Variants in MOXD1 observed in about 807,000 individuals in gnomAD.
The protein encoded by MOXD1 is monooxygenase DBH like 1, also known as DBH-like monooxygenase protein 1.
Under a neutral mutation model 66.6 loss-of-function variants are expected in MOXD1, and 62 were observed. The observed-to-expected ratio is 0.93, with a 90% CI of 0.76 to 1.15. The LOEUF is 1.15. Ranked by LOEUF, MOXD1 falls within the 50% of genes most tolerant of loss-of-function variation. The pLI, the probability that MOXD1 is intolerant of heterozygous loss-of-function variation, is 0.00. For synonymous variants in MOXD1, 303 were observed against 281.9 expected, an observed-to-expected ratio of 1.07 and a Z score of -0.75; for missense variants, 847 against 754.6, an observed-to-expected ratio of 1.12 and a Z score of -1.44.
intron 10 of MOXD1, among the ~76,000 whole-genome samples, chr6:132,304,212 C>A (rs1308607629): frequency 6.6e-6 from 1 of 152,012 alleles, no homozygotes; most frequent in African/African-American, 2.4e-5. Context: ...AGGGAACCTT[C>A]CAATTGTACC....
At chr6:132,327,641 A>G (rs1441007261) in intron 6 of MOXD1, among the ~76,000 whole-genome samples, 3 of 152,216 alleles carry the variant, frequency 2.0e-5, no homozygotes, top group African/African-American at 7.2e-5. Flanking sequence ...AGTATAATAA[A>G]TGGTAACTTT....
chr6:132,398,753 A>G (rs985444685), intron 1 of MOXD1, among the ~76,000 whole-genome samples: 2 of 151,968 alleles, frequency 1.3e-5, no homozygotes, highest in African/African-American at 4.8e-5. Flanking sequence ...CAGCCTGGCC[A>G]GCCTGGTGAA....
At position 132,316,192 on chromosome 6, in the gene MOXD1, ATT is replaced by A. The variant is rs763615659; in HGVS notation, c.1366-417_1366-416del. 1.1e-3 allele frequency among the ~76,000 whole-genome samples: 174 copies of A among 152,252 alleles called. 2 individuals carry two copies. The highest frequency in any genetic ancestry group is 2.4e-3 in the Non-Finnish European group (163 of 67,986). On this transcript the variant is annotated intron_variant, in intron 9 of 11. Transcript: ENST00000367963. ...CATACGACGGGGAGAAAGATTTCAT[ATT>A]TTGAATCTAGGTAGTTAATTATCTA...
intron 10 of MOXD1, among the ~76,000 whole-genome samples, 153 bp downstream of exon 10, chr6:132,315,481 CA>C (rs776816934): frequency 6.6e-5 from 10 of 152,104 alleles, no homozygotes. Context: ...ACATAGTAAT[CA>C]AAAAGGTTAC....
chr6:132,336,362 G>A (rs529396787), intron 4 of MOXD1, among the ~76,000 whole-genome samples: 1 of 152,326 alleles, frequency 6.6e-6, no homozygotes, highest in Admixed American at 6.5e-5. Flanking sequence ...CTAAAGTGAT[G>A]CTGCCTATGG....
intron 4 of MOXD1, among the ~76,000 whole-genome samples, chr6:132,332,592 T>A (rs1775345908): frequency 6.6e-6 from 1 of 152,102 alleles, no homozygotes. Context: ...ATAACTTGTT[T>A]AGTGGAGGGT....
At position 132,327,936 on chromosome 6, in the gene MOXD1, T is replaced by G. The variant is rs148883567; in HGVS notation, c.946+77A>C. 4.4e-6 allele frequency: 5 copies of G among 1,147,216 alleles called. No homozygotes were observed. The African/African-American group carries it at 7.7e-5, about 18-fold the overall frequency. The allele number at this position is 1,147,216 out of a possible 1,614,324, so 71.1% of individuals were successfully genotyped here. On this transcript the variant is annotated intron_variant, in intron 6 of 11. Transcript: ENST00000367963. ...TTCTAACACTGGCTGCTATTTTGTT[T>G]CAACTCTGTTAAAGACTTACAAGGT...
Position 132,401,355 on chromosome 6 carries a change from G to T in MOXD1, c.72C>A (p.Thr24=). 1 of 1,562,922 alleles carries T rather than the reference G, an allele frequency of 6.4e-7. No homozygotes were observed. ...PGTAAGGSGR[T]YPHRTLLDSE... ...AGTCCAGGAGGGTCCGGTGCGGATA[G>T]GTTCGGCCCGAGCCCCCCGCCGCCG... The change falls in exon 1 of 12, where the codon ACC becomes ACA. Residue 24 remains threonine, a synonymous_variant. Coordinates refer to ENST00000367963, the MANE Select transcript of MOXD1 (RefSeq NM_015529.4).
chr6:132,372,226 A>G (rs928913635), intron 4 of MOXD1, among the ~76,000 whole-genome samples: 10 of 152,190 alleles, frequency 6.6e-5, no homozygotes, highest in Non-Finnish European at 1.3e-4. Flanking sequence ...TCAATGAAGC[A>G]GATGTTCTCA....
At chr6:132,368,253 A>G (rs1026233184) in intron 4 of MOXD1, among the ~76,000 whole-genome samples, 1 of 152,072 alleles carries the variant, frequency 6.6e-6, no homozygotes, top group Non-Finnish European at 1.5e-5. Context: ...AAAAATTTTA[A>G]ATTTACGGTA....
At chr6:132,392,790 C>T (rs1264584704) in intron 1 of MOXD1, among the ~76,000 whole-genome samples, 1 of 152,244 alleles carries the variant, frequency 6.6e-6, no homozygotes, top group Non-Finnish European at 1.5e-5. Flanking sequence ...ACATTTCTCT[C>T]TTTTCTTTCC....
intron 6 of MOXD1, among the ~76,000 whole-genome samples, chr6:132,327,271 T>C (rs1415263906): frequency 6.6e-6 from 1 of 152,262 alleles, no homozygotes; most frequent in Non-Finnish European, 1.5e-5. Context: ...ATGATTGCTA[T>C]GAAAAATTGA....
chr6:132,303,510 T>C (rs1174196041), intron 10 of MOXD1, among the ~76,000 whole-genome samples: 1 of 151,982 alleles, frequency 6.6e-6, no homozygotes, highest in African/African-American at 2.4e-5. Context: ...CCAGATTACT[T>C]ATAATACCTA....
intron 10 of MOXD1, among the ~76,000 whole-genome samples, chr6:132,310,511 A>C (rs1379964435): frequency 6.6e-6 from 1 of 152,208 alleles, no homozygotes; most frequent in Non-Finnish European, 1.5e-5. Context: ...TACCCAAAAG[A>C]ATATAAATCA....
At chr6:132,383,851 CCT>C (rs879774890) in intron 1 of MOXD1, among the ~76,000 whole-genome samples, 15 of 152,116 alleles carry the variant, frequency 9.9e-5, no homozygotes, top group African/African-American at 3.4e-4. Flanking sequence ...GGGCAGATCA[CCT>C]GAGGTTAGGA....
At chr6:132,322,041 A>C (rs1775087506) in intron 8 of MOXD1, among the ~76,000 whole-genome samples, 1 of 152,190 alleles carries the variant, frequency 6.6e-6, no homozygotes, top group East Asian at 1.9e-4. Flanking sequence ...TGGTATAGGG[A>C]TCTGACTTTT....
chr6:132,336,177 G>A (rs1001503186), intron 4 of MOXD1, among the ~76,000 whole-genome samples: 23 of 152,188 alleles, frequency 1.5e-4, no homozygotes, highest in Admixed American at 1.5e-3. Flanking sequence ...AAGGAGAGAG[G>A]CGATGGGTGT....
At chr6:132,309,364 TA>T (rs928934752) in intron 10 of MOXD1, among the ~76,000 whole-genome samples, 2 of 151,986 alleles carry the variant, frequency 1.3e-5, no homozygotes, top group Non-Finnish European at 2.9e-5. Flanking sequence ...CTCAAGGAAA[TA>T]AAAGAGTACA....
intron 4 of MOXD1, among the ~76,000 whole-genome samples, chr6:132,335,628 C>T (rs1267346194): frequency 6.6e-6 from 1 of 152,140 alleles, no homozygotes; most frequent in Non-Finnish European, 1.5e-5. Flanking sequence ...CCTGGCCCTG[C>T]CTATATCTTG....
Sources: allele counts gnomAD v4.1 joint callset (sites outside exome capture counted in the v4.1 genomes callset), GRCh38; gene constraint gnomAD v4.1.1; transcripts MANE v1.5; gene names NCBI Gene and HGNC (gene_info 2026-07-23, HGNC 2026-07-21).